Variants in MARK3 observed in about 807,000 individuals in gnomAD.
MARK3 encodes the protein microtubule affinity regulating kinase 3.
A neutral mutation model predicts 90.1 loss-of-function variants in MARK3; 46 were observed. That is an observed-to-expected ratio of 0.51 (90% CI 0.40 to 0.65). The LOEUF is 0.65. Ranked by LOEUF, MARK3 falls within the 30% of genes least tolerant of loss-of-function variation. The pLI is 0.00. For missense variants in MARK3, 818 were observed against 947.2 expected (o/e 0.86, Z 1.79); for synonymous variants, 321 against 332.6 (o/e 0.97, Z 0.38).
intron 14 of MARK3, chr14:103,489,583 CA>C (rs1231798925): frequency 1.3e-5 from 2 of 152,304 alleles, no homozygotes; most frequent in Non-Finnish European, 2.9e-5. Context: ...AGAAGTGGAG[CA>C]GATGGGCCAC....
chr14:103,406,462 C>A (rs972288263), intron 2 of MARK3, among the ~76,000 whole-genome samples: 2 of 151,104 alleles, frequency 1.3e-5, no homozygotes, highest in African/African-American at 4.9e-5. Flanking sequence ...GTTTCAAACT[C>A]CTGACCTCAG....
rs576227608 is a variant in MARK3 at position 103,408,665 on chromosome 14, C to T, written c.243+3398C>T. Among the ~76,000 whole-genome samples, 4 of 152,276 alleles carry T rather than the reference C, an allele frequency of 2.6e-5. No individual in the cohort carries two copies. In the South Asian group the frequency reaches 8.3e-4, roughly 32 times the overall value. On this transcript the variant is annotated intron_variant, in intron 2 of 17. Transcript: ENST00000429436. ...GGGTCTGTCATCTGTCAGCATGCAT[C>T]CTCTGTTTGCAGCAATGTGCCCTGT...
chr14:103,480,647 T>C (rs2093803972), intron 14 of MARK3, among the ~76,000 whole-genome samples, 157 bp downstream of exon 14: 1 of 152,242 alleles, frequency 6.6e-6, no homozygotes, highest in African/African-American at 2.4e-5. Flanking sequence ...AGCAAGATAC[T>C]AGAATTCTAA....
chr14:103,448,930 A>G lies in MARK3; in HGVS notation c.309A>G (p.Glu103=). ...GTTTTTTTTTTTAGCTCTTCAGAGA[A>G]GTAAGAATAATGAAGATTTTAAATC... ...NPTSLQKLFR[E]VRIMKILNHP... The change falls in exon 4 of 18, where the codon GAA becomes GAG. Residue 103 remains glutamate, a synonymous_variant. Transcript: ENST00000429436. The G allele has an allele frequency of 1.3e-6, 2 of 1,568,928 alleles. No homozygotes were observed. The highest frequency in any genetic ancestry group is 8.7e-7 in the Non-Finnish European group (1 of 1,154,328).
At chr14:103,396,184 A>T (rs1426106655) in intron 1 of MARK3, among the ~76,000 whole-genome samples, 1 of 151,940 alleles carries the variant, frequency 6.6e-6, no homozygotes, top group African/African-American at 2.4e-5. Context: ...GGGGTCTGTT[A>T]TTTAACAGAC....
chr14:103,491,907 C>T lies in MARK3; in HGVS notation c.1717C>T (p.Arg573Ter), dbSNP rs763214749. The T allele has an allele frequency of 1.9e-6, 3 of 1,614,126 alleles. No homozygotes were observed. The highest frequency in any genetic ancestry group is 1.7e-6 in the Non-Finnish European group (2 of 1,180,022). Reference sequence around the variant, plus strand: ...TTTCCACGGCCAGCCCCGGGAACGGCGAACCGCAACATATAATGGCCCTCC... The same window carrying T: ...TTTCCACGGCCAGCCCCGGGAACGGTGAACCGCAACATATAATGGCCCTCC... ...STFHGQPRERRTATYNGPPAS... is the reference protein window; with the variant it reads ...STFHGQPRER The change falls in exon 15 of 18, where the codon CGA (arginine) becomes TGA (stop). Residue 573 changes from arginine (R) to a stop codon, truncating the protein, a stop_gained. Transcript: ENST00000429436. LOFTEE classifies it high-confidence loss of function.
chr14:103,452,626 T>C (rs1240625726), intron 5 of MARK3, among the ~76,000 whole-genome samples: 5 of 150,990 alleles, frequency 3.3e-5, no homozygotes, highest in East Asian at 1.9e-4. Flanking sequence ...CGCCCGCTAC[T>C]ACGCCCGGCT....
At chr14:103,479,874 A>G (rs2093787842) in intron 13 of MARK3, among the ~76,000 whole-genome samples, 1 of 152,062 alleles carries the variant, frequency 6.6e-6, no homozygotes, top group Non-Finnish European at 1.5e-5. Flanking sequence ...TCCTCACCTC[A>G]GGAGATCCGC....
intron 1 of MARK3, among the ~76,000 whole-genome samples, chr14:103,390,557 A>G (rs972985276): frequency 9.2e-5 from 14 of 152,150 alleles, no homozygotes; most frequent in Non-Finnish European, 2.1e-4. Flanking sequence ...GATAAAATAC[A>G]CTAACACTAA....
At chr14:103,473,053 A>T (rs1396396544) in intron 12 of MARK3, among the ~76,000 whole-genome samples, 3 of 151,972 alleles carry the variant, frequency 2.0e-5, no homozygotes, top group Admixed American at 1.3e-4. Flanking sequence ...ACTCAGATGG[A>T]TCTCAAGGGA....
At chr14:103,453,763 G>A (rs1002992441) in intron 5 of MARK3, among the ~76,000 whole-genome samples, 40 of 152,280 alleles carry the variant, frequency 2.6e-4, no homozygotes, top group African/African-American at 8.7e-4. Context: ...CCTCTACAGT[G>A]TACAAGGTGC....
intron 1 of MARK3, among the ~76,000 whole-genome samples, chr14:103,394,408 G>T (rs2090451988): frequency 6.6e-6 from 1 of 152,160 alleles, no homozygotes; most frequent in Non-Finnish European, 1.5e-5. Context: ...AAGGGCAGAA[G>T]TTGGCTTTGA....
At chr14:103,452,672 C>A (rs991465668) in intron 5 of MARK3, among the ~76,000 whole-genome samples, 1 of 151,344 alleles carries the variant, frequency 6.6e-6, no homozygotes, top group Non-Finnish European at 1.5e-5. Flanking sequence ...GGGGTTTCAC[C>A]GTGTTAGCCA....
chr14:103,402,477 G>A (rs142772055), intron 1 of MARK3, among the ~76,000 whole-genome samples: 4,386 of 152,108 alleles, frequency 0.029, 90 homozygotes, highest in South Asian at 0.09. Context: ...GCTTCAACCT[G>A]GGAGGCGGAG....
At chr14:103,414,982 T>C (rs929917551) in intron 2 of MARK3, among the ~76,000 whole-genome samples, 2 of 151,676 alleles carry the variant, frequency 1.3e-5, no homozygotes, top group African/African-American at 4.8e-5. Context: ...CAAAATCCCA[T>C]CTCTACTAAA....
chr14:103,411,295 A>G (rs746627787), intron 2 of MARK3, among the ~76,000 whole-genome samples: 21 of 152,126 alleles, frequency 1.4e-4, no homozygotes, highest in Non-Finnish European at 2.4e-4. Context: ...CAAACAAACA[A>G]AAAACCAGTT....
At chr14:103,421,646 A>G (rs1256622478) in intron 2 of MARK3, among the ~76,000 whole-genome samples, 3 of 152,218 alleles carry the variant, frequency 2.0e-5, no homozygotes, top group South Asian at 2.1e-4. Flanking sequence ...TCCTTTTCCA[A>G]GCATATTCTA....
chr14:103,424,981 G>A (rs1169928355), intron 2 of MARK3, among the ~76,000 whole-genome samples: 3 of 151,858 alleles, frequency 2.0e-5, no homozygotes, highest in Non-Finnish European at 4.4e-5. Context: ...TCGCTGTCTT[G>A]CCAGGCTGGA....
chr14:103,467,504 A>G (rs1595819514), intron 11 of MARK3: 1 of 173,044 alleles, frequency 5.8e-6, no homozygotes, highest in East Asian at 1.6e-4. Context: ...GTCTCTGCTA[A>G]AACAAACAAA....
Sources: allele counts gnomAD v4.1 joint callset (sites outside exome capture counted in the v4.1 genomes callset), GRCh38; gene constraint gnomAD v4.1.1; transcripts MANE v1.5; gene names NCBI Gene and HGNC (gene_info 2026-07-23, HGNC 2026-07-21).